Variants in SLC30A5 observed in about 807,000 individuals in gnomAD.
The protein encoded by SLC30A5 is solute carrier family 30 member 5, also known as proton-coupled zinc antiporter SLC30A5.
A neutral mutation model predicts 79.6 loss-of-function variants in SLC30A5; 33 were observed. That is an observed-to-expected ratio of 0.41 (90% confidence interval 0.31 to 0.55). The LOEUF is 0.55. Ranked by LOEUF, SLC30A5 falls within the 20% of genes least tolerant of loss-of-function variation. The pLI is 0.20. For missense variants in SLC30A5, 788 were observed against 928.1 expected (o/e 0.85, Z 1.96); for synonymous variants, 299 against 319.7 (o/e 0.94, Z 0.69).
At chr5:69,106,087 G>C (rs541502276) in intron 4 of SLC30A5, among the ~76,000 whole-genome samples, 1 of 152,302 alleles carries the variant, frequency 6.6e-6, no homozygotes, top group Admixed American at 6.5e-5. Context: ...GAGAAATGTG[G>C]AAATGCTTTG....
intron 2 of SLC30A5, chr5:69,102,717 T>C (rs1470461384): frequency 6.5e-6 from 1 of 153,766 alleles, no homozygotes; most frequent in African/African-American, 2.4e-5. Flanking sequence ...AAAAATTGGC[T>C]GGGCGTGGTG....
At chr5:69,118,275 C>CGTGTATATATATGTGTGT (rs753623334) in intron 11 of SLC30A5, 1 of 146,788 alleles carries the variant, frequency 6.8e-6, no homozygotes, top group Non-Finnish European at 1.4e-5. Context: ...TCATATATAA[C>CGTGTATATATATGTGTGT]GTATATATAT....
rs34836340 is a variant in SLC30A5, at chr5:69,120,389, G to GAA, written c.1570-1294_1570-1293dup. On this transcript the variant is annotated intron_variant, in intron 12 of 15. Transcript: ENST00000396591. ...ACAGAGCAAAACTCTGTCTCAAAAT[G>GAA]AAAAAAAAAAAATTGTAAAATAGTA... is the stretch of plus-strand genomic sequence containing the variant. 2.7e-4 allele frequency among the ~76,000 whole-genome samples: 40 copies of GAA among 146,704 alleles called. 2 individuals are homozygous for GAA. The highest frequency in any genetic ancestry group is 4.3e-4 in the South Asian group (2 of 4,626).
Position 69,121,679 on chromosome 5 carries a change from T to C in SLC30A5, c.1570-15T>C. ...AAATTACTAATTTAAAGGTTTTTTTTCTCCCTTTTGCTAGCCAGTCTCAGT... is the reference window on the plus strand; with the variant it reads ...AAATTACTAATTTAAAGGTTTTTTTCCTCCCTTTTGCTAGCCAGTCTCAGT... On this transcript the variant is annotated splice_polypyrimidine_tract_variant and intron_variant, in intron 12 of 15. Transcript: ENST00000396591. 1.9e-6 allele frequency: 3 copies of C among 1,567,546 alleles called. No homozygotes were observed. Among genetic ancestry groups the C allele is most frequent in the Non-Finnish European group, 2.6e-6 (3 of 1,156,144 alleles).
At chr5:69,121,671 GT>G (rs751141010) in intron 12 of SLC30A5, 22 bp from the exon 13 acceptor site, 21 of 1,527,532 alleles carry the variant, frequency 1.4e-5, no homozygotes, top group Middle Eastern at 1.7e-4. Context: ...TAATTTAAAG[GT>G]TTTTTTTCTC....
rs1235227902 is a variant in SLC30A5 at position 69,113,649 on chromosome 5, A to G, written c.535+422A>G. Among the ~76,000 whole-genome samples, 3 of 152,270 alleles carry G rather than the reference A, an allele frequency of 2.0e-5. No individual in the cohort carries two copies. The South Asian group carries it at 6.2e-4, about 32-fold the overall frequency. On this transcript the variant is annotated intron_variant, in intron 6 of 15. Transcript: ENST00000396591. Reference sequence around the variant, plus strand: ...AGTATTCATTGTCTTGCTCTAAATTATTATCTCTAGCTCAGCCCCAACTCT... The same window carrying G: ...AGTATTCATTGTCTTGCTCTAAATTGTTATCTCTAGCTCAGCCCCAACTCT...
chr5:69,101,014 A>G lies in SLC30A5; in HGVS notation c.206+85A>G, dbSNP rs538271914. The G allele has an allele frequency of 3.8e-6, 5 of 1,327,104 alleles. No individual in the cohort carries two copies. The South Asian group carries it at 8.4e-5, about 22-fold the overall frequency. 82.2% of individuals were successfully genotyped at this position (1,327,104 alleles called of 1,614,324 possible). On this transcript the variant is annotated intron_variant, in intron 2 of 15. Coordinates refer to ENST00000396591, the MANE Select transcript of SLC30A5 (RefSeq NM_022902.5). Reference sequence around the variant, plus strand: ...ACAGAGTATCTTTAAGAAACTTTACATACAATATTTTGTTTGTTCCTCCTG... The same window carrying G: ...ACAGAGTATCTTTAAGAAACTTTACGTACAATATTTTGTTTGTTCCTCCTG...
chr5:69,114,634 G>A, intron 7 of SLC30A5, 138 bp downstream of exon 7: 1 of 627,962 alleles, frequency 1.6e-6, no homozygotes, highest in East Asian at 2.8e-5. Flanking sequence ...TGGGGGCCAA[G>A]GCAGGTGGAT....
In SLC30A5 at chr5:69,094,191, C is replaced by T. The variant is rs1200598276; in HGVS notation, c.-65C>T. 4.7e-6 allele frequency: 4 copies of T among 853,996 alleles called. No individual in the cohort carries two copies. Among genetic ancestry groups the T allele is most frequent in the Non-Finnish European group, 6.4e-6 (4 of 629,128 alleles). 52.9% of individuals were successfully genotyped at this position (853,996 alleles called of 1,614,324 possible). On this transcript the variant is annotated 5_prime_UTR_variant, in exon 1 of 16. Coordinates refer to ENST00000396591, the MANE Select transcript of SLC30A5 (RefSeq NM_022902.5). ...TGACGCGCCTGCACCCGCTGTTCCGCGGCAGCGGCGAGACATGAGGAGACC... is the reference window on the plus strand; with the variant it reads ...TGACGCGCCTGCACCCGCTGTTCCGTGGCAGCGGCGAGACATGAGGAGACC...
chr5:69,125,870 CAAAAAAAAAAAA>C lies in SLC30A5; in HGVS notation c.1999-2119_1999-2108del, dbSNP rs532994254. Among the ~76,000 whole-genome samples the C allele has an allele frequency of 9.2e-5, 5 of 54,232 alleles. No individual in the cohort carries two copies. The Admixed American group carries it at 9.8e-4, about 11-fold the overall frequency. The allele number at this position is 54,232 out of a possible 152,430, so 35.6% of individuals were successfully genotyped here. On this transcript the variant is annotated intron_variant, in intron 14 of 15. Coordinates refer to ENST00000396591, the MANE Select transcript of SLC30A5 (RefSeq NM_022902.5). The stretch of plus-strand genomic sequence containing the variant: ...CGGGCCACAGAGCGAGACTCCGTCT[CAAAAAAAAAAAA>C]AAAAAAAAAAAAAATTAGCTGGGTG...
intron 15 of SLC30A5, among the ~76,000 whole-genome samples, chr5:69,128,807 G>A (rs1469546836): frequency 2.0e-5 from 3 of 152,140 alleles, no homozygotes; most frequent in African/African-American, 7.2e-5. Flanking sequence ...TTTGGAGATA[G>A]AGGTCAGAAT....
Position 69,116,081 on chromosome 5 carries a change from T to C in SLC30A5, c.939T>C (p.Ala313=). The change falls in exon 9 of 16, where the codon GCT becomes GCC. Residue 313 remains alanine (A), a synonymous_variant. Transcript: ENST00000396591. This position sits in a 1 kb window ranked among gnomAD's most constrained non-coding sequence, Gnocchi z 4.0. The stretch of plus-strand genomic sequence containing the variant: ...GATCCTTTCCCATTTTTATTAGTGC[T>C]CTCCTTTTTGGAAATTTTTGGACAC... ...RYGSFPIFIS[A]LLFGNFWTHP... The C allele has an allele frequency of 1.2e-6, 2 of 1,614,156 alleles. No individual in the cohort carries two copies. Among genetic ancestry groups the C allele is most frequent in the South Asian group, 1.1e-5 (1 of 91,086 alleles).
At chr5:69,128,223 C>T (rs1427121571) in intron 15 of SLC30A5, 91 bp downstream of exon 15, 11 of 626,856 alleles carry the variant, frequency 1.8e-5, no homozygotes, top group East Asian at 4.0e-5. Flanking sequence ...TAGTCATTTA[C>T]TATTCAGAAA....
chr5:69,104,837 C>T lies in SLC30A5; in HGVS notation c.359+121C>T, dbSNP rs74430495. The T allele has an allele frequency of 2.9e-4, 278 of 967,004 alleles. No homozygotes were observed. The East Asian group carries it at 7.6e-3, about 27-fold the overall frequency. The allele number at this position is 967,004 out of a possible 1,614,324, so 59.9% of individuals were successfully genotyped here. On this transcript the variant is annotated intron_variant, in intron 4 of 15. Transcript: ENST00000396591. ...ACAAATGTGTCTAGCACTTTTATAG[C>T]ATCAGAGAGAATTCAACAGATAGAA... is the stretch of plus-strand genomic sequence containing the variant.
intron 12 of SLC30A5, among the ~76,000 whole-genome samples, chr5:69,120,170 ATG>A (rs1391924785): frequency 3.3e-5 from 5 of 152,236 alleles, no homozygotes; most frequent in African/African-American, 1.2e-4. Context: ...ATTGAAAAGA[ATG>A]AGATATATCT....
intron 5 of SLC30A5, among the ~76,000 whole-genome samples, chr5:69,110,547 A>G (rs1178994884): frequency 6.6e-6 from 1 of 152,170 alleles, no homozygotes; most frequent in Admixed American, 6.5e-5. Flanking sequence ...TCCAAAATAA[A>G]TTTCAAGTGG....
At chr5:69,121,949 T>G in intron 13 of SLC30A5, 54 bp downstream of exon 13, 2 of 1,409,154 alleles carry the variant, frequency 1.4e-6, no homozygotes, top group Non-Finnish European at 2.0e-6. Flanking sequence ...AAATCAACCC[T>G]CTGTGTTTAT....
rs776706062 is a variant in SLC30A5 at position 69,130,459 on chromosome 5, TTG to T, written c.*845_*846del. The stretch of plus-strand genomic sequence containing the variant: ...TTCATCCTTTCTTAGCTCCATAACG[TTG>T]TGAAACAGCCAGTTAAGAGAATCGT... On this transcript the variant is annotated 3_prime_UTR_variant, in exon 16 of 16. Transcript: ENST00000396591. 1 of 152,170 alleles carries T rather than the reference TTG, an allele frequency of 6.6e-6. No homozygotes were observed. The highest frequency in any genetic ancestry group is 1.5e-5 in the Non-Finnish European group (1 of 68,012). 9.4% of individuals were successfully genotyped at this position (152,170 alleles called of 1,614,324 possible). A position where few individuals can be genotyped will look rare whatever the true frequency, so the allele number is the denominator to read the frequency against.
intron 5 of SLC30A5, 43 bp from the exon 6 acceptor site, chr5:69,113,096 AC>A (rs1746275470): frequency 6.7e-7 from 1 of 1,497,062 alleles, no homozygotes; most frequent in Non-Finnish European, 9.2e-7. Context: ...TTAAAAATCA[AC>A]CCTTGAAAAA....
Sources: gnomAD v4.1 joint callset for allele counts (sites outside exome capture counted in the v4.1 genomes callset) on GRCh38, gnomAD v4.1.1 for gene constraint, Gnocchi (gnomAD v3.1) non-coding constraint, MANE v1.5 for transcripts, NCBI Gene and HGNC (gene_info 2026-07-23, HGNC 2026-07-21) for gene names.